PYGL: variants seen among roughly 807,000 people sequenced by gnomAD.
PYGL encodes glycogen phosphorylase, liver form.
A neutral mutation model predicts 100.1 loss-of-function variants in PYGL; 90 were observed. The observed-to-expected ratio is 0.90, with a 90% CI of 0.76 to 1.07. The LOEUF is 1.07. Among genes scored for constraint, PYGL ranks in the 50% least tolerant of loss-of-function variants. PYGL has a pLI of 0.00. For missense variants in PYGL, 1,016 were observed against 1,057.6 expected (o/e 0.96, Z 0.55); for synonymous variants, 373 against 393.0 (o/e 0.95, Z 0.60).
intron 7 of PYGL, among the ~76,000 whole-genome samples, chr14:50,920,217 A>C (rs1180207422): frequency 6.6e-6 from 1 of 152,184 alleles, no homozygotes; most frequent in Non-Finnish European, 1.5e-5. Flanking sequence ...TAAAATTTCT[A>C]TCTGGAAAGG....
At chr14:50,925,175 T>C (rs2050536110) in intron 4 of PYGL, among the ~76,000 whole-genome samples, 1 of 152,232 alleles carries the variant, frequency 6.6e-6, no homozygotes, top group African/African-American at 2.4e-5. Context: ...CTGTGCTGAA[T>C]ACTATAGGTA....
At chr14:50,906,133 A>G (rs2050334174) in intron 19 of PYGL, among the ~76,000 whole-genome samples, 1 of 152,232 alleles carries the variant, frequency 6.6e-6, no homozygotes, top group Non-Finnish European at 1.5e-5. Context: ...GGGTCAATTG[A>G]GTCTTTATCC....
In PYGL at chr14:50,916,750, C is replaced by T. The variant is rs1188250534; in HGVS notation, c.1000-16G>A. 4.4e-6 allele frequency: 7 copies of T among 1,608,910 alleles called. No individual in the cohort carries two copies. Among genetic ancestry groups the T allele is most frequent in the Non-Finnish European group, 5.1e-6 (6 of 1,175,476 alleles). On this transcript the variant is annotated splice_polypyrimidine_tract_variant and intron_variant, in intron 8 of 19. Transcript: ENST00000216392. ...GGATGGCCACCTGGGTGGGGAAAGA[C>T]ATCAACATGAAGGCAACGGATGGCT...
chr14:50,916,106 T>A, intron 9 of PYGL, 135 bp from the exon 10 acceptor site: 1 of 1,230,216 alleles, frequency 8.1e-7, no homozygotes, highest in Non-Finnish European at 1.2e-6. Context: ...TCAATTCCAC[T>A]AAGTTCCTGA....
At chr14:50,938,432 G>A (rs922141171) in intron 1 of PYGL, among the ~76,000 whole-genome samples, 8 of 152,182 alleles carry the variant, frequency 5.3e-5, no homozygotes, top group African/African-American at 1.9e-4. Context: ...GGCTGGTCTC[G>A]AACTCCTGAC....
chr14:50,905,813 G>A (rs959923873), intron 19 of PYGL, among the ~76,000 whole-genome samples: 1 of 152,222 alleles, frequency 6.6e-6, no homozygotes, highest in Admixed American at 6.5e-5. Context: ...ACATTGCCTA[G>A]TTGGCAATTC....
rs758707697 is a variant in PYGL, at chr14:50,911,969, T to G, written c.1827+9A>C. On this transcript the variant is annotated intron_variant, in intron 15 of 19. Transcript: ENST00000216392. ...GCCCTCAAGTCCCCATTGAATAGAT[T>G]CAACTTACTTTACCACCAATGATAA... 1.9e-6 allele frequency: 3 copies of G among 1,613,500 alleles called. No individual in the cohort carries two copies. In the East Asian group the frequency reaches 6.7e-5, roughly 36 times the overall value.
At chr14:50,936,226 T>C (rs997961734) in intron 2 of PYGL, among the ~76,000 whole-genome samples, 142 of 152,138 alleles carry the variant, frequency 9.3e-4, no homozygotes, top group African/African-American at 3.4e-3. Flanking sequence ...CCCATGAAAC[T>C]GGGTATTTTT....
chr14:50,944,014 C>A, intron 1 of PYGL, 147 bp downstream of exon 1: 1 of 1,140,588 alleles, frequency 8.8e-7, no homozygotes, highest in South Asian at 1.5e-5. Flanking sequence ...TGCCCGCCCA[C>A]AGCCTAGACA....
Position 50,905,373 on chromosome 14 carries a change from C to G in PYGL, c.*19G>C. 1 of 1,577,712 alleles carries G rather than the reference C, an allele frequency of 6.3e-7. No individual in the cohort carries two copies. The highest frequency in any genetic ancestry group is 1.5e-5 in the African/African-American group (1 of 65,284). The stretch of plus-strand genomic sequence containing the variant: ...CAAGTTCAGTAAGAAGCTATGTTTT[C>G]TAGAGACAATTCTAGAGTTCAATTT... On this transcript the variant is annotated 3_prime_UTR_variant, in exon 20 of 20. Coordinates refer to ENST00000216392, the MANE Select transcript of PYGL (RefSeq NM_002863.5).
In PYGL at chr14:50,910,060, C is replaced by T; in HGVS notation, c.2012G>A (p.Gly671Asp). Reference sequence around the variant, plus strand: ...ATTGCCTGTCCCCGAGGCTTCGGTGCCTGCAGTGGAAATCTGCTCTGACAG... The same window carrying T: ...ATTGCCTGTCCCCGAGGCTTCGGTGTCTGCAGTGGAAATCTGCTCTGACAG... The part of the protein sequence containing the change: ...TDLSEQISTA[G>D]TEASGTGNMK... Residue 671 changes from glycine to aspartate, a missense_variant, in exon 17 of 20, where the codon GGC (glycine) becomes GAC (aspartate). Coordinates refer to ENST00000216392, the MANE Select transcript of PYGL (RefSeq NM_002863.5). 1 of 1,614,182 alleles carries T rather than the reference C, an allele frequency of 6.2e-7. No individual in the cohort carries two copies.
chr14:50,915,630 G>A lies in PYGL; in HGVS notation c.1240-131C>T, dbSNP rs562492726. 6 of 1,423,328 alleles carry A rather than the reference G, an allele frequency of 4.2e-6. No homozygotes were observed. In the East Asian group the frequency reaches 9.5e-5, roughly 22 times the overall value. The allele number at this position is 1,423,328 out of a possible 1,614,324, so 88.2% of individuals were successfully genotyped here. On this transcript the variant is annotated intron_variant, in intron 10 of 19. Transcript: ENST00000216392. The stretch of plus-strand genomic sequence containing the variant: ...CTTCACTACCACAGGGAGGGGTTGA[G>A]TTAGCTCTATGGAGGTGCCATCCCT...
Position 50,915,394 on chromosome 14 carries a change from C to T in PYGL, c.1345G>A (p.Gly449Ser), listed in dbSNP as rs367969807. The change falls in exon 11 of 20, where the codon GGT (glycine) becomes AGT (serine). Residue 449 changes from glycine (G) to serine (S), a missense_variant. Coordinates refer to ENST00000216392, the MANE Select transcript of PYGL (RefSeq NM_002863.5). ...GCCACGCCATTCACAGCATGGGAAC[C>T]GACAATGCAGAGATGGGCCATGTTG... ...RINMAHLCIV[G>S]SHAVNGVAKI... is the part of the protein sequence containing the mutation. The T allele has an allele frequency of 4.2e-5, 67 of 1,613,986 alleles. No individual in the cohort carries two copies. Among genetic ancestry groups the T allele is most frequent in the South Asian group, 3.7e-4 (34 of 91,070 alleles).
chr14:50,930,485 A>C (rs2050592626), intron 4 of PYGL, among the ~76,000 whole-genome samples: 1 of 152,180 alleles, frequency 6.6e-6, no homozygotes, highest in South Asian at 2.1e-4. Context: ...GCTAAAGATA[A>C]ACAGCTCTGG....
intron 12 of PYGL, 103 bp from the exon 13 acceptor site, chr14:50,913,233 T>C (rs2050416046): frequency 1.1e-6 from 1 of 887,516 alleles, no homozygotes; most frequent in Non-Finnish European, 1.8e-6. Flanking sequence ...CACAGTGTAG[T>C]TCACGTATCA....
chr14:50,930,899 C>T lies in PYGL; in HGVS notation c.528+774G>A, dbSNP rs533065996. Among the ~76,000 whole-genome samples the T allele has an allele frequency of 3.3e-5, 5 of 151,926 alleles. No individual in the cohort carries two copies. In the South Asian group the frequency reaches 1.0e-3, roughly 32 times the overall value. Reference sequence around the variant, plus strand: ...TTAGCAAAAACTGTCCACACTAGGGCGACTGTAGACTCAAACAGTTACCAG... The same window carrying T: ...TTAGCAAAAACTGTCCACACTAGGGTGACTGTAGACTCAAACAGTTACCAG... On this transcript the variant is annotated intron_variant, in intron 4 of 19. Transcript: ENST00000216392.
chr14:50,944,358 T>G lies in PYGL; in HGVS notation c.46A>C (p.Ile16Leu), dbSNP rs757517868. 12 of 1,613,686 alleles carry G rather than the reference T, an allele frequency of 7.4e-6. No homozygotes were observed. In the South Asian group the frequency reaches 1.2e-4, roughly 16 times the overall value. The change falls in exon 1 of 20, where the codon ATC becomes CTC. Residue 16 changes from isoleucine (I) to leucine (L), a missense_variant. Ile to Leu is a conservative substitution (Grantham distance 5). Coordinates refer to ENST00000216392, the MANE Select transcript of PYGL (RefSeq NM_002863.5). ...TDQEKRRQIS[I>L]RGIVGVENVA... ...TTCTCCACGCCCACGATGCCGCGGA[T>G]GCTGATCTGCCGCCGCTTCTCCTGG... is the stretch of plus-strand genomic sequence containing the variant.
chr14:50,923,414 T>A (rs8020787), intron 5 of PYGL: 44,679 of 153,486 alleles, frequency 0.29, 7,057 homozygotes, highest in East Asian at 0.53. Context: ...CAGCCTCCCA[T>A]GTAGCTGGGA....
At chr14:50,915,029 C>T (rs944943026) in intron 11 of PYGL, among the ~76,000 whole-genome samples, 3 of 152,206 alleles carry the variant, frequency 2.0e-5, no homozygotes, top group Admixed American at 2.0e-4. Context: ...CAAATCTAGT[C>T]ACTTCCATCT....
Sources: gnomAD v4.1 joint callset for allele counts (sites outside exome capture counted in the v4.1 genomes callset) on GRCh38, gnomAD v4.1.1 for gene constraint, MANE v1.5 for transcripts, NCBI Gene and HGNC (gene_info 2026-07-23, HGNC 2026-07-21) for gene names.